The following MXRA7 variants were observed in gnomAD, a reference collection of about 807,000 sequenced individuals.
MXRA7 encodes matrix-remodeling-associated protein 7.
MXRA7 carries 18 observed loss-of-function variants against 17.4 expected under a neutral mutation model. The ratio of observed to expected loss-of-function variants is 1.03; its 90% confidence interval spans 0.71 to 1.53. The LOEUF (loss-of-function observed/expected upper bound fraction) is 1.53, where lower values mean the gene tolerates loss of function less well. Ranked by LOEUF, MXRA7 falls within the 40% of genes most tolerant of loss-of-function variation. MXRA7 has a pLI of 0.00. For synonymous variants in MXRA7, 70 were observed against 101.7 expected (o/e 0.69, Z 1.87); for missense variants, 141 against 209.3 (o/e 0.67, Z 2.01).
chr17:76,687,855 G>A (rs1337091091), intron 2 of MXRA7, among the ~76,000 whole-genome samples: 3 of 152,246 alleles, frequency 2.0e-5, no homozygotes, highest in Non-Finnish European at 2.9e-5. Flanking sequence ...GCCAGGCAGG[G>A]CGTGTAGTGT....
At chr17:76,676,287 C>CT (rs1174143020), downstream of MXRA7, 3 of 152,190 alleles carry the variant, frequency 2.0e-5, no homozygotes, top group Non-Finnish European at 4.4e-5. Context: ...TTTCTTCTGT[C>CT]TACAGCATCC....
downstream of MXRA7, chr17:76,677,664 A>T: frequency 6.2e-7 from 1 of 1,614,006 alleles, no homozygotes; most frequent in Non-Finnish European, 8.5e-7. Flanking sequence ...GTTGTCTTTC[A>T]TGAGCTTGAA....
intron 2 of MXRA7, among the ~76,000 whole-genome samples, chr17:76,686,377 G>T (rs2076397651): frequency 6.6e-6 from 1 of 152,196 alleles, no homozygotes; most frequent in Non-Finnish European, 1.5e-5. Context: ...CTACTCAGGA[G>T]GCTGAGGCAG....
Position 76,680,785 on chromosome 17 carries a change from T to C in MXRA7, c.*82A>G. On this transcript the variant is annotated 3_prime_UTR_variant, in exon 4 of 4. Transcript: ENST00000449428. ...CACCCTGGGAGCCTGCCCAGACTCC[T>C]CTCTGGGGTTTCCGTTTTATCTCTC... 6.4e-7 allele frequency: 1 copy of C among 1,562,772 alleles called. No homozygotes were observed. Among genetic ancestry groups the C allele is most frequent in the Non-Finnish European group, 8.7e-7 (1 of 1,154,096 alleles).
At chr17:76,677,595 T>A, downstream of MXRA7, 1 of 1,609,330 alleles carries the variant, frequency 6.2e-7, no homozygotes, top group Non-Finnish European at 8.5e-7. Flanking sequence ...AGTCTACATG[T>A]CGTAGAGCCG....
At chr17:76,693,195 C>T (rs1037739052) in intron 1 of MXRA7, among the ~76,000 whole-genome samples, 5 of 152,156 alleles carry the variant, frequency 3.3e-5, no homozygotes, top group Non-Finnish European at 5.9e-5. Context: ...CAAGGCTGGG[C>T]GCGGTGGCTC....
chr17:76,699,388 C>T (rs1458355539), intron 1 of MXRA7, among the ~76,000 whole-genome samples: 1 of 152,168 alleles, frequency 6.6e-6, no homozygotes, highest in African/African-American at 2.4e-5. Flanking sequence ...TCAAGCCATT[C>T]TCCTGCCTCA....
chr17:76,696,762 T>C (rs926102132), intron 1 of MXRA7, among the ~76,000 whole-genome samples: 2 of 152,098 alleles, frequency 1.3e-5, no homozygotes, highest in Non-Finnish European at 2.9e-5. Context: ...GTTGAATGAA[T>C]CCGTGAAGGT....
At chr17:76,704,843 G>A (rs2076638868) in intron 1 of MXRA7, among the ~76,000 whole-genome samples, 1 of 151,150 alleles carries the variant, frequency 6.6e-6, no homozygotes, top group South Asian at 2.1e-4. Context: ...CTTAGAGAAG[G>A]GGCTTCTGAA....
In MXRA7 at chr17:76,706,313, TGCCATCACAAAGGACCACG is replaced by T. The variant is rs2076658070; in HGVS notation, c.342+4273_342+4291del. The stretch of plus-strand genomic sequence containing the variant: ...ACGCTGCCGTCACAGAGGCCCACGC[TGCCATCACAAAGGACCACG>T]CTGCCATCACAGAGGCCCACTCTGC... On this transcript the variant is annotated intron_variant, in intron 1 of 3. Coordinates refer to ENST00000449428, the MANE Select transcript of MXRA7 (RefSeq NM_198530.4). Among the ~76,000 whole-genome samples the T allele has an allele frequency of 2.6e-4, 25 of 96,820 alleles. 2 individuals are homozygous for T. The highest frequency in any genetic ancestry group is 4.9e-4 in the Non-Finnish European group (21 of 42,808). The allele number at this position is 96,820 out of a possible 152,430, so 63.5% of individuals were successfully genotyped here. A position where few individuals can be genotyped will look rare whatever the true frequency, so the allele number is the denominator to read the frequency against.
At position 76,685,105 on chromosome 17, in the gene MXRA7, ATCT is replaced by A. The variant is rs1567978755; in HGVS notation, c.464_466del (p.Lys155del). On this transcript the variant is annotated inframe_deletion, in exon 3 of 4. Coordinates refer to ENST00000449428, the MANE Select transcript of MXRA7 (RefSeq NM_198530.4). ...CTCCTCCAGCTCCTCTTTGGTCATCATCTTCTTGTACTGGTTTCCCCTCAGCTT... is the reference window on the plus strand; with the variant it reads ...CTCCTCCAGCTCCTCTTTGGTCATCATCTTGTACTGGTTTCCCCTCAGCTT... 1.2e-6 allele frequency: 2 copies of A among 1,613,868 alleles called. No individual in the cohort carries two copies. Among genetic ancestry groups the A allele is most frequent in the Non-Finnish European group, 8.5e-7 (1 of 1,179,956 alleles).
chr17:76,697,062 C>A (rs2076540041), intron 1 of MXRA7, among the ~76,000 whole-genome samples: 1 of 152,150 alleles, frequency 6.6e-6, no homozygotes, highest in Non-Finnish European at 1.5e-5. Context: ...GTGTTCCACG[C>A]CCCAATTCAT....
downstream of MXRA7, chr17:76,676,499 A>G (rs1309822134): frequency 6.6e-6 from 1 of 152,268 alleles, no homozygotes; most frequent in African/African-American, 2.4e-5. Flanking sequence ...ATGGTGGCTC[A>G]CGCCTGTAAT....
intron 1 of MXRA7, 42 bp from the exon 2 acceptor site, chr17:76,688,218 G>A (rs759998942): frequency 2.5e-6 from 4 of 1,612,738 alleles, no homozygotes; most frequent in Non-Finnish European, 3.4e-6. Context: ...GCACAGACTG[G>A]GTGATGGGAA....
intron 1 of MXRA7, among the ~76,000 whole-genome samples, chr17:76,698,713 T>G (rs12939709): frequency 1.3e-3 from 2 of 1,552 alleles, no homozygotes; most frequent in Non-Finnish European, 4.9e-3. Context: ...TTCCTTTCTG[T>G]TTTTTTTTTT....
chr17:76,708,181 C>A (rs115326643), intron 1 of MXRA7, among the ~76,000 whole-genome samples: 1,527 of 152,336 alleles, frequency 0.01, 22 homozygotes, highest in African/African-American at 0.034. Context: ...AGGCTGCTTC[C>A]CGGGGCGAGA....
intron 1 of MXRA7, 24 bp downstream of exon 1, chr17:76,710,581 G>A: frequency 7.7e-7 from 1 of 1,291,482 alleles, no homozygotes; most frequent in Non-Finnish European, 9.8e-7. Context: ...GTGGGGAGGG[G>A]GCCGCGAGGG....
At chr17:76,706,799 C>T (rs143392936) in intron 1 of MXRA7, among the ~76,000 whole-genome samples, 4 of 152,218 alleles carry the variant, frequency 2.6e-5, no homozygotes, top group African/African-American at 9.6e-5. Flanking sequence ...CTTCTTTGTT[C>T]CAACATTCTC....
intron 1 of MXRA7, among the ~76,000 whole-genome samples, chr17:76,700,191 C>T (rs2076575130): frequency 6.6e-6 from 1 of 152,172 alleles, no homozygotes; most frequent in African/African-American, 2.4e-5. Context: ...AGGCTGGTCT[C>T]GAACTCCTGA....
Sources: gnomAD v4.1 joint callset for allele counts (sites outside exome capture counted in the v4.1 genomes callset) on GRCh38, gnomAD v4.1.1 for gene constraint, MANE v1.5 for transcripts, NCBI Gene and HGNC (gene_info 2026-07-23, HGNC 2026-07-21) for gene names.